Variants in ARB2A observed in about 807,000 individuals in gnomAD.
The protein encoded by ARB2A is ARB2 cotranscriptional regulator A.
At chr5:93,636,082 T>C in the ARB2A span, among the ~76,000 whole-genome samples, 1 of 152,188 alleles carries the variant, frequency 6.6e-6, no homozygotes, top group South Asian at 2.1e-4. Context: ...TACAAAGCTA[T>C]TGGTATTCTG....
the ARB2A span, among the ~76,000 whole-genome samples, chr5:93,746,447 A>C: frequency 6.6e-6 from 1 of 152,348 alleles, no homozygotes; most frequent in South Asian, 2.1e-4. Context: ...ATAATGTAGT[A>C]GTGTTGCTAA....
the ARB2A span, among the ~76,000 whole-genome samples, chr5:94,001,283 G>A: frequency 6.6e-6 from 1 of 151,984 alleles, no homozygotes; most frequent in Non-Finnish European, 1.5e-5. Context: ...CATGAACATG[G>A]TATATCTATT....
the ARB2A span, among the ~76,000 whole-genome samples, chr5:93,831,075 G>A: frequency 6.6e-6 from 1 of 152,016 alleles, no homozygotes. Context: ...ATAGGAGGTG[G>A]AGCTCAGGTG....
chr5:93,763,575 T>C, the ARB2A span, among the ~76,000 whole-genome samples: 1 of 152,164 alleles, frequency 6.6e-6, no homozygotes, highest in Non-Finnish European at 1.5e-5. Context: ...CAAAGAGACT[T>C]AGACTCCCAC....
At chr5:93,873,999 G>C in the ARB2A span, among the ~76,000 whole-genome samples, 1 of 152,132 alleles carries the variant, frequency 6.6e-6, no homozygotes, top group South Asian at 2.1e-4. Flanking sequence ...ATTCATTTTC[G>C]GGGGAATATA....
At chr5:94,034,743 G>A in the ARB2A span, among the ~76,000 whole-genome samples, 18 of 152,210 alleles carry the variant, frequency 1.2e-4, no homozygotes, top group South Asian at 2.3e-3. Flanking sequence ...AATGTTGTAC[G>A]TAGGCCAGGC....
At chr5:94,032,783 T>C in the ARB2A span, among the ~76,000 whole-genome samples, 1 of 152,322 alleles carries the variant, frequency 6.6e-6, no homozygotes, top group East Asian at 1.9e-4. Context: ...TAAGATTTAA[T>C]ACCTGTCCTG....
chr5:94,004,606 G>A, the ARB2A span, among the ~76,000 whole-genome samples: 8 of 150,614 alleles, frequency 5.3e-5, no homozygotes, highest in Non-Finnish European at 1.0e-4. Context: ...ATTTTTTTTT[G>A]CTGTGTGAAA....
At chr5:93,838,799 T>A in the ARB2A span, among the ~76,000 whole-genome samples, 1 of 152,198 alleles carries the variant, frequency 6.6e-6, no homozygotes, top group Non-Finnish European at 1.5e-5. Context: ...TATTCTTTTT[T>A]GTGGCAATTG....
At chr5:94,075,007 T>G in the ARB2A span, among the ~76,000 whole-genome samples, 1 of 152,104 alleles carries the variant, frequency 6.6e-6, no homozygotes, top group Admixed American at 6.6e-5. Flanking sequence ...GTCATCTTTC[T>G]CTCATGTCCA....
the ARB2A span, chr5:93,861,313 T>C: frequency 2.0e-5 from 3 of 149,080 alleles, no homozygotes; most frequent in Non-Finnish European, 3.0e-5. Flanking sequence ...TTTTTCTTTT[T>C]TTTTTTTTTT....
chr5:93,818,335 T>C, the ARB2A span, among the ~76,000 whole-genome samples: 1 of 152,176 alleles, frequency 6.6e-6, no homozygotes, highest in Non-Finnish European at 1.5e-5. Context: ...ATGATAGTTG[T>C]ACAAGTCTGC....
the ARB2A span, among the ~76,000 whole-genome samples, chr5:93,965,495 T>C: frequency 6.6e-6 from 1 of 152,090 alleles, no homozygotes; most frequent in Non-Finnish European, 1.5e-5. Flanking sequence ...AATAAATTTG[T>C]GTTGCTTTAA....
At chr5:93,704,018 C>G in the ARB2A span, among the ~76,000 whole-genome samples, 1 of 152,046 alleles carries the variant, frequency 6.6e-6, no homozygotes. Context: ...TGTTAAAGGT[C>G]GAGAGGCAGT....
At chr5:93,665,544 CAT>C in the ARB2A span, among the ~76,000 whole-genome samples, 9 of 152,242 alleles carry the variant, frequency 5.9e-5, no homozygotes, top group East Asian at 1.4e-3. Context: ...ATGGCAGAAA[CAT>C]ATAGGTGTCA....
At chr5:93,838,767 T>G in the ARB2A span, among the ~76,000 whole-genome samples, 1 of 152,176 alleles carries the variant, frequency 6.6e-6, no homozygotes, top group Non-Finnish European at 1.5e-5. Context: ...ACTTCCCTGG[T>G]TAGTCATATT....
chr5:93,702,525 T>C, the ARB2A span, among the ~76,000 whole-genome samples: 2 of 152,308 alleles, frequency 1.3e-5, no homozygotes, highest in East Asian at 1.9e-4. Flanking sequence ...CATTTGGCTA[T>C]GAAAAGGAAT....
the ARB2A span, chr5:94,055,839 C>T: frequency 1.1e-5 from 11 of 985,308 alleles, no homozygotes; most frequent in African/African-American, 8.7e-5. Context: ...AATCAGACAT[C>T]GAAACTGTCC....
At chr5:93,907,484 A>AT in the ARB2A span, among the ~76,000 whole-genome samples, 1 of 151,140 alleles carries the variant, frequency 6.6e-6, no homozygotes, top group Non-Finnish European at 1.5e-5. Context: ...AAAATACTGT[A>AT]TTTTTTTTCT....
Sources: allele counts gnomAD v4.1 joint callset (sites outside exome capture counted in the v4.1 genomes callset), GRCh38; gene constraint gnomAD v4.1.1; transcripts MANE v1.5; gene names NCBI Gene and HGNC (gene_info 2026-07-23, HGNC 2026-07-21).